Variants in COL22A1 observed in about 807,000 individuals in gnomAD.
COL22A1 encodes collagen type XXII alpha 1 chain.
Under a neutral mutation model 248.9 loss-of-function variants are expected in COL22A1, and 221 were observed. The ratio of observed to expected loss-of-function variants is 0.89; its 90% CI spans 0.80 to 0.99. The LOEUF (loss-of-function observed/expected upper bound fraction) is 0.99. COL22A1 is among the 50% of genes least tolerant of loss of function. The probability of loss-of-function intolerance (pLI) is 0.00; values close to 1 mark genes in which losing one functional copy is unlikely to be tolerated. For missense variants in COL22A1, 2,240 were observed against 2,179.0 expected (o/e 1.03, Z -0.56); for synonymous variants, 891 against 793.4 (o/e 1.12, Z -2.07).
chr8:138,850,772 CTG>C (rs1233886335), intron 3 of COL22A1, among the ~76,000 whole-genome samples: 2 of 152,244 alleles, frequency 1.3e-5, no homozygotes, highest in African/African-American at 4.8e-5. Flanking sequence ...CAGTTGCCCC[CTG>C]TGTGTCTGTT....
At chr8:138,793,352 G>C (rs1166757493) in intron 12 of COL22A1, among the ~76,000 whole-genome samples, 1 of 152,144 alleles carries the variant, frequency 6.6e-6, no homozygotes, top group Non-Finnish European at 1.5e-5. Flanking sequence ...GAGACTTCAA[G>C]TTACAGAAAA....
chr8:138,625,402 G>A (rs932959165), intron 51 of COL22A1, among the ~76,000 whole-genome samples: 3 of 152,160 alleles, frequency 2.0e-5, no homozygotes, highest in Non-Finnish European at 2.9e-5. Context: ...GACAGTAAGT[G>A]CTACAGCAGC....
At chr8:138,737,438 C>T in intron 23 of COL22A1, 86 bp downstream of exon 23, 1 of 956,282 alleles carries the variant, frequency 1.0e-6, no homozygotes, top group Non-Finnish European at 1.7e-6. Context: ...AGGATTCTGG[C>T]TGCCCACCTG....
chr8:138,679,866 T>C (rs1440709941), intron 39 of COL22A1, among the ~76,000 whole-genome samples, 190 bp from the exon 40 acceptor site: 3 of 152,166 alleles, frequency 2.0e-5, no homozygotes, highest in Admixed American at 6.5e-5. Context: ...CCTCCATCCA[T>C]CATTCTGTGT....
At chr8:138,660,559 C>T (rs1823731564) in intron 43 of COL22A1, 79 bp from the exon 44 acceptor site, 8 of 1,273,934 alleles carry the variant, frequency 6.3e-6, no homozygotes, top group Non-Finnish European at 8.0e-6. Context: ...CTCTGCCAAT[C>T]TCTCTATCTG....
intron 64 of COL22A1, among the ~76,000 whole-genome samples, chr8:138,590,911 C>T (rs962302218): frequency 1.3e-5 from 2 of 152,194 alleles, no homozygotes; most frequent in African/African-American, 2.4e-5. Context: ...CAGCTAACCA[C>T]CCTACCACTG....
chr8:138,903,045 C>T (rs1389379034), intron 1 of COL22A1, among the ~76,000 whole-genome samples: 1 of 152,100 alleles, frequency 6.6e-6, no homozygotes, highest in African/African-American at 2.4e-5. Flanking sequence ...CCCTCCCTAT[C>T]GCGAATTGTC....
intron 55 of COL22A1, among the ~76,000 whole-genome samples, chr8:138,614,121 G>A (rs112143432): frequency 3.9e-5 from 6 of 152,332 alleles, no homozygotes; most frequent in South Asian, 4.1e-4. Flanking sequence ...ACGCAGGCCC[G>A]CATTTGTGCA....
chr8:138,603,026 T>A (rs1818160034), intron 59 of COL22A1, among the ~76,000 whole-genome samples: 1 of 152,234 alleles, frequency 6.6e-6, no homozygotes, highest in African/African-American at 2.4e-5. Context: ...GCCCGGGGGC[T>A]CTTTTCCCAT....
intron 41 of COL22A1, 24 bp from the exon 42 acceptor site, chr8:138,663,764 T>A: frequency 6.3e-7 from 1 of 1,589,804 alleles, no homozygotes; most frequent in Non-Finnish European, 8.6e-7. Context: ...AACAAGTATG[T>A]AAGCAAAGTA....
At chr8:138,634,931 T>A (rs1821021130) in intron 49 of COL22A1, 79 bp downstream of exon 49, 1 of 970,202 alleles carries the variant, frequency 1.0e-6, no homozygotes, top group Non-Finnish European at 1.7e-6. Context: ...ATGCTCAGTG[T>A]CATACCATGC....
At chr8:138,848,326 G>GT (rs1227293316) in intron 3 of COL22A1, among the ~76,000 whole-genome samples, 1 of 152,148 alleles carries the variant, frequency 6.6e-6, no homozygotes, top group Non-Finnish European at 1.5e-5. Context: ...GAGAAAAAAG[G>GT]TATCTCTTCA....
At chr8:138,768,684 T>C (rs1834106416) in intron 16 of COL22A1, among the ~76,000 whole-genome samples, 1 of 152,184 alleles carries the variant, frequency 6.6e-6, no homozygotes, top group African/African-American at 2.4e-5. Flanking sequence ...ATGCCTGTAA[T>C]CCCAGCACTT....
chr8:138,786,604 T>A (rs1236479501), intron 12 of COL22A1, among the ~76,000 whole-genome samples: 1 of 152,182 alleles, frequency 6.6e-6, no homozygotes, highest in Non-Finnish European at 1.5e-5. Flanking sequence ...GCCCATAGCA[T>A]CTTTGAAATG....
chr8:138,886,279 C>T (rs2318343), intron 1 of COL22A1, among the ~76,000 whole-genome samples: 147,009 of 152,266 alleles, frequency 0.97, 71,016 homozygotes, highest in East Asian at 1. Flanking sequence ...CTCTCTCCCC[C>T]GTGGCCTAGT....
chr8:138,737,413 G>A lies in COL22A1; in HGVS notation c.2139+111C>T, dbSNP rs1586610950. The A allele has an allele frequency of 5.2e-6, 4 of 767,058 alleles. No homozygotes were observed. The East Asian group carries it at 1.0e-4, about 19-fold the overall frequency. 47.5% of individuals were successfully genotyped at this position (767,058 alleles called of 1,614,324 possible). Reference sequence around the variant, plus strand: ...CACTGGCTGTTCTTTTTAATAGTTTGATGAGGTGACCAGCAGGATTCTGGC... The same window carrying A: ...CACTGGCTGTTCTTTTTAATAGTTTAATGAGGTGACCAGCAGGATTCTGGC... On this transcript the variant is annotated intron_variant, in intron 23 of 64. Transcript: ENST00000303045.
At chr8:138,807,897 T>G (rs1442117339) in intron 9 of COL22A1, 85 bp from the exon 10 acceptor site, 1 of 1,383,166 alleles carries the variant, frequency 7.2e-7, no homozygotes, top group African/African-American at 1.4e-5. Context: ...CACCCCCACA[T>G]GCTTAGAAGC....
rs182581441 is a variant in COL22A1 at position 138,726,341 on chromosome 8, A to T, written c.2140-901T>A. ...ACCCTATCTCCCTAGAAATAAAAAA[A>T]TAAAAATTAACTGGTCATAGGGGCT... On this transcript the variant is annotated intron_variant, in intron 23 of 64. Coordinates refer to ENST00000303045, the MANE Select transcript of COL22A1 (RefSeq NM_152888.3). 5.9e-5 allele frequency among the ~76,000 whole-genome samples: 9 copies of T among 152,108 alleles called. No individual in the cohort carries two copies. The East Asian group carries it at 1.6e-3, about 26-fold the overall frequency.
chr8:138,869,927 G>A (rs999917317), intron 3 of COL22A1, among the ~76,000 whole-genome samples: 1 of 152,214 alleles, frequency 6.6e-6, no homozygotes, highest in Non-Finnish European at 1.5e-5. Flanking sequence ...TCCCAGATGT[G>A]TGTGTAGTGT....
Sources: gnomAD v4.1 joint callset for allele counts (sites outside exome capture counted in the v4.1 genomes callset) on GRCh38, gnomAD v4.1.1 for gene constraint, MANE v1.5 for transcripts, NCBI Gene and HGNC (gene_info 2026-07-23, HGNC 2026-07-21) for gene names.